The following EIF4B variants were observed in gnomAD, a reference collection of about 807,000 sequenced individuals.
The protein encoded by EIF4B is eukaryotic translation initiation factor 4B.
In EIF4B, 8 loss-of-function variants were observed where a neutral mutation model predicts 79.3. That is an observed-to-expected ratio of 0.10 (90% CI 0.06 to 0.18). The LOEUF is 0.18. Among genes scored for constraint, EIF4B ranks in the 10% least tolerant of loss-of-function variants. The probability of loss-of-function intolerance (pLI) is 1.00; values close to 1 mark genes in which losing one functional copy is unlikely to be tolerated. For synonymous variants in EIF4B, 238 were observed against 274.7 expected, an observed-to-expected ratio of 0.87 and a Z score of 1.32; for missense variants, 515 against 792.4, an observed-to-expected ratio of 0.65 and a Z score of 4.20.
intron 8 of EIF4B, among the ~76,000 whole-genome samples, chr12:53,032,762 G>A (rs1380764505): frequency 3.4e-5 from 5 of 148,220 alleles, no homozygotes; most frequent in African/African-American, 1.0e-4. Flanking sequence ...CCGCCTCCCC[G>A]GTGGGTTCAA....
chr12:53,016,559 G>A lies in EIF4B; in HGVS notation c.100G>A (p.Val34Ile), dbSNP rs1161946124. ...DGGTGGGSTY[V>I]SKPVSWADET... ...GGGTACTGGTGGAGGAAGCACCTAT[G>A]TTTCCAAACCAGTCAGCTGGGCTGA... The change falls in exon 2 of 15, where the codon GTT becomes ATT. Residue 34 changes from valine (V) to isoleucine (I), a missense_variant. By Grantham distance (29) the Val-to-Ile change is conservative. This residue lies in a region of EIF4B where 105 missense variants were observed against 177.2 expected (regional missense o/e 0.59). Transcript: ENST00000262056. 1.9e-6 allele frequency: 3 copies of A among 1,613,182 alleles called. No individual in the cohort carries two copies. In the African/African-American group the frequency reaches 4.0e-5, roughly 22 times the overall value.
intron 2 of EIF4B, 95 bp from the exon 3 acceptor site, chr12:53,018,703 T>G: frequency 7.0e-7 from 1 of 1,426,628 alleles, no homozygotes; most frequent in Admixed American, 1.8e-5. Context: ...TTGTATAGCA[T>G]GTTTAATATT....
At chr12:53,035,429 C>T (rs969784807) in intron 10 of EIF4B, among the ~76,000 whole-genome samples, 9 of 151,150 alleles carry the variant, frequency 6.0e-5, no homozygotes, top group Non-Finnish European at 1.3e-4. Flanking sequence ...AGTGCAGTGG[C>T]GCGATCTCGG....
intron 4 of EIF4B, among the ~76,000 whole-genome samples, chr12:53,021,156 G>C (rs1261778638): frequency 1.3e-5 from 2 of 152,174 alleles, no homozygotes; most frequent in Non-Finnish European, 2.9e-5. Flanking sequence ...TAATGATGTG[G>C]GAAAGGGAAG....
chr12:53,026,279 A>C (rs1036556749), intron 6 of EIF4B, among the ~76,000 whole-genome samples: 8 of 152,200 alleles, frequency 5.3e-5, no homozygotes, highest in Non-Finnish European at 1.5e-5. Context: ...AGCAACAGTC[A>C]GCTGGAGCTA....
At chr12:53,028,318 A>G (rs1373347976) in intron 8 of EIF4B, 130 bp downstream of exon 8, 6 of 1,281,668 alleles carry the variant, frequency 4.7e-6, no homozygotes, top group Admixed American at 3.0e-5. Flanking sequence ...GCAGCAAAGC[A>G]TAGTAGAAAG....
In EIF4B at chr12:53,013,904, T is replaced by C. The variant is rs117443995; in HGVS notation, c.14-2569T>C. ...AAGGCCAAGTGCAGTGGCTCACATCTAATCCCAGCACTTTGGAAGGCTGAG... is the reference window on the plus strand; with the variant it reads ...AAGGCCAAGTGCAGTGGCTCACATCCAATCCCAGCACTTTGGAAGGCTGAG... On this transcript the variant is annotated intron_variant, in intron 1 of 14. Transcript: ENST00000262056. 1,910 of 152,264 alleles carry C rather than the reference T, an allele frequency of 0.013. 74 individuals are homozygous for C. The East Asian group carries it at 0.15, about 12-fold the overall frequency. The allele number at this position is 152,264 out of a possible 1,614,324, so 9.4% of individuals were successfully genotyped here. A position where few individuals can be genotyped will look rare whatever the true frequency, so the allele number is the denominator to read the frequency against.
At chr12:53,025,470 T>C in intron 6 of EIF4B, 1 of 273,050 alleles carries the variant, frequency 3.7e-6, no homozygotes, top group Non-Finnish European at 7.3e-6. Context: ...TTGGGGGGTA[T>C]TACACTCAGT....
Position 53,018,894 on chromosome 12 carries a change from C to T in EIF4B, c.248C>T (p.Pro83Leu). ...LPTAPRAAREPNIDRSRLPKS... is the reference protein window; with the variant it reads ...LPTAPRAARELNIDRSRLPKS... ...ACTGCTCCACGGGCTGCTCGGGAAC[C>T]CAATATCGACCGGAGCCGTCTTCCC... is the stretch of plus-strand genomic sequence containing the variant. The change falls in exon 3 of 15, where the codon CCC (proline) becomes CTC (leucine). Residue 83 changes from proline (P) to leucine (L), a missense_variant. Pro to Leu is a moderately conservative substitution (Grantham distance 98). Around this residue, in one of 6 missense-constraint regions of EIF4B, gnomAD observed 105 missense variants for 177.2 expected, o/e 0.59. Coordinates refer to ENST00000262056, the MANE Select transcript of EIF4B (RefSeq NM_001417.7). The T allele has an allele frequency of 3.7e-6, 6 of 1,613,888 alleles. No homozygotes were observed. Among genetic ancestry groups the T allele is most frequent in the Non-Finnish European group, 5.1e-6 (6 of 1,179,876 alleles).
chr12:53,019,137 G>A (rs1413899525), intron 3 of EIF4B, 131 bp downstream of exon 3: 5 of 1,122,188 alleles, frequency 4.5e-6, no homozygotes, highest in African/African-American at 3.1e-5. Context: ...GGTGGCTCAC[G>A]CCTGTAATCC....
intron 8 of EIF4B, among the ~76,000 whole-genome samples, chr12:53,033,187 T>G (rs1943477641): frequency 6.6e-6 from 1 of 150,584 alleles, no homozygotes; most frequent in African/African-American, 2.4e-5. Flanking sequence ...GCCTGGCTAA[T>G]TTTTTATTTT....
chr12:53,016,638 G>C, intron 2 of EIF4B, 28 bp downstream of exon 2: 4 of 1,545,408 alleles, frequency 2.6e-6, no homozygotes, highest in Non-Finnish European at 3.5e-6. Context: ...ATCGTGTTTG[G>C]AATGTTTATT....
rs192319608 is a variant in EIF4B, at chr12:53,023,919, C to A, written c.667+1292C>A. Among the ~76,000 whole-genome samples the A allele has an allele frequency of 4.0e-3, 605 of 152,250 alleles. 6 individuals are homozygous for A. The highest frequency in any genetic ancestry group is 6.6e-3 in the Non-Finnish European group (449 of 68,024). On this transcript the variant is annotated intron_variant, in intron 6 of 14. Transcript: ENST00000262056. ...TTTCTAAAATAAAAATATTGATTCA[C>A]TTTAAAAATACTCAAGATATAGCAG...
intron 12 of EIF4B, 198 bp from the exon 13 acceptor site, chr12:53,039,040 A>G: frequency 2.1e-6 from 1 of 476,566 alleles, no homozygotes; most frequent in East Asian, 3.6e-5. Context: ...TTTTTAGTGG[A>G]TTTTGTTTGT....
chr12:53,025,004 A>G (rs1438979923), intron 6 of EIF4B, among the ~76,000 whole-genome samples: 1 of 152,104 alleles, frequency 6.6e-6, no homozygotes, highest in Non-Finnish European at 1.5e-5. Flanking sequence ...TACTAAATAT[A>G]ATTGGGGAAG....
intron 8 of EIF4B, among the ~76,000 whole-genome samples, chr12:53,030,894 G>A (rs1415070131): frequency 2.0e-5 from 3 of 151,926 alleles, no homozygotes; most frequent in Non-Finnish European, 4.4e-5. Flanking sequence ...TCAGATGTGG[G>A]CCTCATGTTC....
chr12:53,022,659 TG>T, intron 6 of EIF4B, 32 bp downstream of exon 6: 1 of 1,606,004 alleles, frequency 6.2e-7, no homozygotes, highest in Middle Eastern at 1.7e-4. Context: ...TAGCTTCCTC[TG>T]TGCTTTGGGA....
rs78629902 is a variant in EIF4B at position 53,039,809 on chromosome 12, G to A, written c.1755+107G>A. ...TTCTTAGTATTCTAAACTTTTTGCC[G>A]TTGGACTTCTTTCCATTTGGAATAC... On this transcript the variant is annotated intron_variant, in intron 14 of 14. Transcript: ENST00000262056. 6.9e-4 allele frequency: 859 copies of A among 1,246,640 alleles called. 5 individuals carry two copies. The African/African-American group carries it at 0.011, about 16-fold the overall frequency. The allele number at this position is 1,246,640 out of a possible 1,614,324, so 77.2% of individuals were successfully genotyped here.
intron 1 of EIF4B, among the ~76,000 whole-genome samples, chr12:53,009,782 A>G (rs1943033742): frequency 6.6e-6 from 1 of 152,226 alleles, no homozygotes; most frequent in Admixed American, 6.5e-5. Flanking sequence ...CAGAAGGCCA[A>G]AATTAAAACT....
Sources: gnomAD v4.1 joint callset for allele counts (sites outside exome capture counted in the v4.1 genomes callset) on GRCh38, gnomAD v4.1.1 for gene constraint, gnomAD v4.1.1 regional missense constraint, MANE v1.5 for transcripts, NCBI Gene and HGNC (gene_info 2026-07-23, HGNC 2026-07-21) for gene names.